ANK1: variants seen among roughly 807,000 people sequenced by gnomAD.
ANK1 encodes the protein ankyrin 1.
In ANK1, 51 loss-of-function variants were observed where a neutral mutation model predicts 210.4. That is an observed-to-expected ratio of 0.24 (90% CI 0.19 to 0.31). The LOEUF (loss-of-function observed/expected upper bound fraction) is 0.31, where lower values mean the gene tolerates loss of function less well. Ranked by LOEUF, ANK1 falls within the 10% of genes least tolerant of loss-of-function variation. The pLI, the probability that ANK1 is intolerant of heterozygous loss-of-function variation, is 1.00. For missense variants in ANK1, 2,051 were observed against 2,504.4 expected (o/e 0.82, Z 3.86); for synonymous variants, 967 against 1,025.9 (o/e 0.94, Z 1.10).
intron 1 of ANK1, among the ~76,000 whole-genome samples, chr8:41,886,299 A>T (rs1818430294): frequency 6.6e-6 from 1 of 152,138 alleles, no homozygotes; most frequent in Admixed American, 6.5e-5. Context: ...GGTACTTTCC[A>T]TATATTAAGT....
intron 1 of ANK1, among the ~76,000 whole-genome samples, chr8:41,806,654 A>C (rs1420873238): frequency 6.6e-6 from 1 of 152,240 alleles, no homozygotes; most frequent in Non-Finnish European, 1.5e-5. Flanking sequence ...GCAGTGAACC[A>C]TGATGGTTTG....
Position 41,672,851 on chromosome 8 carries a change from A to T in ANK1, c.4599T>A (p.Ser1533=), listed in dbSNP as rs767877797. The change falls in exon 38 of 43, where the codon TCT becomes TCA. Residue 1533 remains serine (S), a synonymous_variant. Transcript: ENST00000289734. ...SPASLGCALS[S]PLRADQYWNE... ...TCCAGTACTGGTCTGCACGTAGCGG[A>T]GAGGAAAGTGCACAGCCCAGGGAGG... 6.2e-7 allele frequency: 1 copy of T among 1,611,202 alleles called. No homozygotes were observed. Among genetic ancestry groups the T allele is most frequent in the Non-Finnish European group, 8.5e-7 (1 of 1,179,886 alleles).
At chr8:41,662,445 C>G (rs1383942812) in intron 40 of ANK1, among the ~76,000 whole-genome samples, 1 of 152,208 alleles carries the variant, frequency 6.6e-6, no homozygotes, top group Non-Finnish European at 1.5e-5. Flanking sequence ...CTGAAGGGGC[C>G]TTGGCAGTGT....
chr8:41,735,818 C>T (rs1411686073), intron 2 of ANK1, among the ~76,000 whole-genome samples: 2 of 152,176 alleles, frequency 1.3e-5, no homozygotes, highest in African/African-American at 4.8e-5. Context: ...ACCTTGGATG[C>T]AGCAAATATA....
chr8:41,788,353 G>A (rs969040648), intron 1 of ANK1, among the ~76,000 whole-genome samples: 2 of 152,172 alleles, frequency 1.3e-5, no homozygotes, highest in African/African-American at 4.8e-5. Flanking sequence ...ATTTCTCATT[G>A]TGAAGTCGGA....
chr8:41,890,718 AAAAAAAAG>A (rs1237373960), intron 1 of ANK1, among the ~76,000 whole-genome samples: 2 of 151,760 alleles, frequency 1.3e-5, no homozygotes, highest in African/African-American at 4.8e-5. Flanking sequence ...CAAAAAAAAA[AAAAAAAAG>A]AAAAAAGAAA....
Position 41,654,256 on chromosome 8 carries a change from T to C in ANK1, c.*1534A>G, listed in dbSNP as rs1804982843. ...AGTGGAACTTAAGGCTCCTCCCTGATGGCACCGAGGCGAGGAACTGCCAGC... is the reference window on the plus strand; with the variant it reads ...AGTGGAACTTAAGGCTCCTCCCTGACGGCACCGAGGCGAGGAACTGCCAGC... On this transcript the variant is annotated 3_prime_UTR_variant, in exon 43 of 43. Transcript: ENST00000289734. 1 of 152,646 alleles carries C rather than the reference T, an allele frequency of 6.6e-6. No homozygotes were observed. The highest frequency in any genetic ancestry group is 6.5e-5 in the Admixed American group (1 of 15,288). The allele number at this position is 152,646 out of a possible 1,614,324, so 9.5% of individuals were successfully genotyped here.
chr8:41,717,446 A>C (rs1422420411), intron 12 of ANK1, among the ~76,000 whole-genome samples, 158 bp downstream of exon 12: 1 of 152,246 alleles, frequency 6.6e-6, no homozygotes, highest in Non-Finnish European at 1.5e-5. Flanking sequence ...TAATCCAGAA[A>C]GCGTCAGTAC....
At chr8:41,696,312 C>T (rs373344770) in intron 26 of ANK1, 51 bp downstream of exon 26, 6 of 1,591,284 alleles carry the variant, frequency 3.8e-6, no homozygotes, top group African/African-American at 2.7e-5. Flanking sequence ...AATGGCGTGG[C>T]CTCCGTGGCA....
At chr8:41,812,138 T>C (rs971733476) in intron 1 of ANK1, among the ~76,000 whole-genome samples, 6 of 152,186 alleles carry the variant, frequency 3.9e-5, no homozygotes, top group African/African-American at 1.4e-4. Flanking sequence ...GTTCCATGAG[T>C]TCCAAATCAC....
chr8:41,717,541 G>A, intron 12 of ANK1, 63 bp downstream of exon 12: 1 of 1,429,872 alleles, frequency 7.0e-7, no homozygotes, highest in Non-Finnish European at 9.6e-7. Context: ...GGGAGCACTG[G>A]TGAAAGCTGC....
At position 41,855,514 on chromosome 8, in the gene ANK1, C is replaced by T. The variant is rs968084816; in HGVS notation, c.126+40841G>A. Among the ~76,000 whole-genome samples, 6 of 152,162 alleles carry T rather than the reference C, an allele frequency of 3.9e-5. No individual in the cohort carries two copies. The East Asian group carries it at 5.8e-4, about 15-fold the overall frequency. ...CACAGAGCAAGTCAATCAAAGAAGC[C>T]GCTTTCTATATAGAGGAACCCACAG... On this transcript the variant is annotated intron_variant, in intron 1 of 42. Coordinates refer to the ANK1 transcript ENST00000265709.
At chr8:41,797,693 G>A (rs907195146), upstream of ANK1, 256 of 1,196,780 alleles carry the variant, frequency 2.1e-4, 1 homozygote, top group Middle Eastern at 3.0e-4. The surrounding 1 kb of genome is among the most constrained non-coding windows in gnomAD (Gnocchi z 4.0). Flanking sequence ...CTGTCGGGCC[G>A]GGCGCTCCCG....
chr8:41,672,442 C>T lies in ANK1; in HGVS notation c.5008G>A (p.Val1670Met), dbSNP rs886062937. ...CTCTGATGGCCTGAAACAAGAGACA[C>T]TTCATTCTCTGAGTCCTGCCCTGCA... ...TGAGQDSENE[V>M]SLVSGHQRGQ... The change falls in exon 38 of 43, where the codon GTG (valine) becomes ATG (methionine). Residue 1670 changes from valine (V) to methionine (M), a missense_variant. Around this residue, in one of 6 missense-constraint regions of ANK1, gnomAD observed 496 missense variants for 533.4 expected, o/e 0.93. Coordinates refer to ENST00000289734, the MANE Select transcript of ANK1 (RefSeq NM_000037.4). 1.9e-6 allele frequency: 3 copies of T among 1,614,234 alleles called. No homozygotes were observed. The East Asian group carries it at 6.7e-5, about 36-fold the overall frequency.
rs374892113 is a variant in ANK1 at position 41,657,644 on chromosome 8, A to G, written c.*37-1891T>C. On this transcript the variant is annotated intron_variant, in intron 42 of 42. Coordinates refer to ENST00000289734, the MANE Select transcript of ANK1 (RefSeq NM_000037.4). Reference sequence around the variant, plus strand: ...TGGGAAAGACAGGCTAGGATCTCCCATCTACTTTACCGCCCAGGCACTGAG... The same window carrying G: ...TGGGAAAGACAGGCTAGGATCTCCCGTCTACTTTACCGCCCAGGCACTGAG... 5.9e-5 allele frequency among the ~76,000 whole-genome samples: 9 copies of G among 152,334 alleles called. No homozygotes were observed. The East Asian group carries it at 1.5e-3, about 26-fold the overall frequency.
chr8:41,883,017 C>T (rs1256588495), intron 1 of ANK1, among the ~76,000 whole-genome samples: 1 of 152,266 alleles, frequency 6.6e-6, no homozygotes, highest in Non-Finnish European at 1.5e-5. Context: ...CACCTCCTCC[C>T]TGGCCTCAGC....
intron 1 of ANK1, among the ~76,000 whole-genome samples, chr8:41,842,127 A>C (rs1231526993): frequency 1.3e-5 from 2 of 152,230 alleles, no homozygotes; most frequent in African/African-American, 2.4e-5. Flanking sequence ...GCAGCACCCC[A>C]GGAGGCACCA....
intron 35 of ANK1, among the ~76,000 whole-genome samples, chr8:41,687,084 C>T (rs537370907): frequency 7.2e-4 from 109 of 152,262 alleles, no homozygotes; most frequent in African/African-American, 1.9e-3. Context: ...GTTTGTCACA[C>T]GGCCTTTCCA....
chr8:41,762,180 C>T (rs1239145958), intron 1 of ANK1, among the ~76,000 whole-genome samples: 2 of 152,172 alleles, frequency 1.3e-5, no homozygotes, highest in African/African-American at 2.4e-5. Context: ...CATTCTCATG[C>T]TCTGTCTACC....
Sources: allele counts gnomAD v4.1 joint callset (sites outside exome capture counted in the v4.1 genomes callset), GRCh38; gene constraint gnomAD v4.1.1; regional missense constraint gnomAD v4.1.1; non-coding constraint Gnocchi (gnomAD v3.1); transcripts MANE v1.5; gene names NCBI Gene and HGNC (gene_info 2026-07-23, HGNC 2026-07-21).